The following MYO16 variants were observed in gnomAD, a reference collection of about 807,000 sequenced individuals.
MYO16 encodes the protein unconventional myosin-XVI.
A neutral mutation model predicts 205.3 loss-of-function variants in MYO16; 94 were observed. The ratio of observed to expected loss-of-function variants is 0.46; its 90% CI spans 0.39 to 0.54. The LOEUF is 0.54. Among genes scored for constraint, MYO16 ranks in the 20% least tolerant of loss-of-function variants. The probability of loss-of-function intolerance (pLI) is 0.00; values close to 1 mark genes in which losing one functional copy is unlikely to be tolerated. For synonymous variants in MYO16, 988 were observed against 954.0 expected (o/e 1.04, Z -0.66); for missense variants, 2,315 against 2,387.5 (o/e 0.97, Z 0.63).
At chr13:108,759,819 CAA>C (rs34991762) in intron 4 of MYO16, among the ~76,000 whole-genome samples, 18,549 of 123,784 alleles carry the variant, frequency 0.15, 1,164 homozygotes, top group Non-Finnish European at 0.18. Flanking sequence ...GACTCCGTCT[CAA>C]AAAAAAAAAA....
At chr13:108,622,814 A>G (rs1228219385) in intron 1 of MYO16, among the ~76,000 whole-genome samples, 2 of 152,074 alleles carry the variant, frequency 1.3e-5, no homozygotes, top group African/African-American at 2.4e-5. Flanking sequence ...ACACTCACAG[A>G]GCATCCTGGC....
chr13:108,727,377 A>G (rs1369930479), intron 3 of MYO16, 63 bp from the exon 4 acceptor site: 1 of 1,522,678 alleles, frequency 6.6e-7, no homozygotes, highest in East Asian at 2.3e-5. Flanking sequence ...ATCTGTGGAC[A>G]TTTGGAATAA....
At chr13:109,039,757 C>G (rs1051998853) in intron 23 of MYO16, among the ~76,000 whole-genome samples, 16 of 152,014 alleles carry the variant, frequency 1.1e-4, no homozygotes, top group Non-Finnish European at 2.4e-4. Flanking sequence ...GGGAAAATCT[C>G]AAACCAATAA....
chr13:108,891,164 A>G (rs1880153866), intron 14 of MYO16, among the ~76,000 whole-genome samples: 1 of 152,214 alleles, frequency 6.6e-6, no homozygotes, highest in East Asian at 1.9e-4. Context: ...TTACATTATC[A>G]AATACATTTA....
the MYO16 span, among the ~76,000 whole-genome samples, chr13:108,586,389 A>G: frequency 2.6e-5 from 4 of 152,126 alleles, no homozygotes; most frequent in Admixed American, 6.5e-5. Flanking sequence ...TCTTTATACT[A>G]TATTAAATTC....
chr13:108,580,037 A>G, the MYO16 span, among the ~76,000 whole-genome samples: 4 of 152,212 alleles, frequency 2.6e-5, no homozygotes, highest in Non-Finnish European at 4.4e-5. Flanking sequence ...TGAGTGGCAA[A>G]TAATATAATT....
intron 3 of MYO16, among the ~76,000 whole-genome samples, chr13:108,715,477 G>A (rs1342050551): frequency 6.6e-6 from 1 of 152,172 alleles, no homozygotes; most frequent in Middle Eastern, 3.2e-3. Context: ...TAGAATGTTA[G>A]CTCCATGAGA....
At chr13:108,668,319 G>A (rs1028745134) in intron 2 of MYO16, among the ~76,000 whole-genome samples, 40 of 152,152 alleles carry the variant, frequency 2.6e-4, no homozygotes, top group Admixed American at 8.5e-4. Context: ...GGACCCAAGC[G>A]GAGCTAGGGT....
At chr13:108,754,573 TA>T (rs1179326018) in intron 4 of MYO16, among the ~76,000 whole-genome samples, 1 of 152,142 alleles carries the variant, frequency 6.6e-6, no homozygotes, top group East Asian at 1.9e-4. Context: ...GAAATAGATT[TA>T]AAAATGGTTT....
In MYO16 at chr13:109,048,399, G is replaced by A. The variant is rs571666870; in HGVS notation, c.2872+1408G>A. 1.3e-4 allele frequency: 90 copies of A among 714,438 alleles called. 3 individuals carry two copies. In the South Asian group the frequency reaches 1.4e-3, roughly 11 times the overall value. The allele number at this position is 714,438 out of a possible 1,614,324, so 44.3% of individuals were successfully genotyped here. A position where few individuals can be genotyped will look rare whatever the true frequency, so the allele number is the denominator to read the frequency against. ...AATGTACCCTTTTGTATTTATACAG[G>A]AGGTGTCAGATTTTTTTTTTTGTAA... is the stretch of plus-strand genomic sequence containing the variant. On this transcript the variant is annotated intron_variant, in intron 24 of 34. Coordinates refer to ENST00000457511, the MANE Select transcript of MYO16 (RefSeq NM_001198950.3).
chr13:108,950,382 C>G (rs922257535), intron 16 of MYO16, among the ~76,000 whole-genome samples: 1 of 152,062 alleles, frequency 6.6e-6, no homozygotes, highest in Admixed American at 6.6e-5. Context: ...GGGCAAAAGA[C>G]ATGAAGGGAT....
Position 109,130,562 on chromosome 13 carries a change from A to G in MYO16, c.4051+3012A>G, listed in dbSNP as rs74979126. Among the ~76,000 whole-genome samples, 1,079 of 152,352 alleles carry G rather than the reference A, an allele frequency of 7.1e-3. 8 individuals are homozygous for G. The highest frequency in any genetic ancestry group is 0.025 in the African/African-American group (1,028 of 41,586). On this transcript the variant is annotated intron_variant, in intron 31 of 34. Transcript: ENST00000457511. ...ATGCTTGCTGATTAGTTTTTACAGC[A>G]TTAGGGAGTCAGAGAGGGCAAGCGC...
At chr13:108,733,425 A>C (rs984166192) in intron 4 of MYO16, among the ~76,000 whole-genome samples, 4 of 152,186 alleles carry the variant, frequency 2.6e-5, no homozygotes, top group African/African-American at 4.8e-5. Flanking sequence ...GCAAATCTAC[A>C]TGCTGAAGTC....
At chr13:108,530,043 C>A in the MYO16 span, among the ~76,000 whole-genome samples, 1 of 152,178 alleles carries the variant, frequency 6.6e-6, no homozygotes, top group Non-Finnish European at 1.5e-5. Flanking sequence ...CAGGTGGGTC[C>A]GTGTGCATTC....
Position 109,164,751 on chromosome 13 carries a change from A to G in MYO16, c.5165-150A>G, listed in dbSNP as rs543147621. The G allele has an allele frequency of 4.7e-5, 22 of 471,900 alleles. No homozygotes were observed. In the South Asian group the frequency reaches 7.9e-4, roughly 17 times the overall value. The allele number at this position is 471,900 out of a possible 1,614,324, so 29.2% of individuals were successfully genotyped here. ...GTTGTGGCAAAATTTGGTGAATATT[A>G]TATAGGCTACAAATTTTATTAAAGA... is the stretch of plus-strand genomic sequence containing the variant. On this transcript the variant is annotated intron_variant, in intron 32 of 34. Transcript: ENST00000457511.
chr13:108,687,371 G>A (rs939264288), intron 2 of MYO16, among the ~76,000 whole-genome samples: 1 of 152,124 alleles, frequency 6.6e-6, no homozygotes, highest in Non-Finnish European at 1.5e-5. Context: ...AGTCCCTCCT[G>A]TGTGTTCCAG....
chr13:108,815,449 G>T (rs990824189), intron 7 of MYO16, among the ~76,000 whole-genome samples: 5 of 152,112 alleles, frequency 3.3e-5, no homozygotes, highest in Admixed American at 3.3e-4. Context: ...GTGTGACTGT[G>T]GAAAAATGGT....
At chr13:108,742,149 C>T (rs541228996) in intron 4 of MYO16, among the ~76,000 whole-genome samples, 31 of 152,106 alleles carry the variant, frequency 2.0e-4, no homozygotes, top group South Asian at 6.2e-4. Flanking sequence ...CATGTCACCA[C>T]GCCCAGCTAG....
intron 22 of MYO16, among the ~76,000 whole-genome samples, chr13:109,013,107 CT>C (rs1488791882): frequency 0.019 from 309 of 16,064 alleles, 1 homozygote; most frequent in Non-Finnish European, 0.056. Flanking sequence ...AATGCTACCC[CT>C]CCCCCACCCC....
Sources: allele counts gnomAD v4.1 joint callset (sites outside exome capture counted in the v4.1 genomes callset), GRCh38; gene constraint gnomAD v4.1.1; transcripts MANE v1.5; gene names NCBI Gene and HGNC (gene_info 2026-07-23, HGNC 2026-07-21).